FABP12: variants seen among roughly 807,000 people sequenced by gnomAD.
FABP12 encodes fatty acid-binding protein 12.
FABP12 carries 19 observed loss-of-function variants against 13.7 expected under a neutral mutation model. That is an observed-to-expected ratio of 1.39 (90% CI 0.97 to 2.04). The LOEUF (loss-of-function observed/expected upper bound fraction) is 2.04. FABP12 is among the 30% of genes most tolerant of loss of function. FABP12 has a pLI of 0.00. For synonymous variants in FABP12, 61 were observed against 57.0 expected, an observed-to-expected ratio of 1.07 and a Z score of -0.32; for missense variants, 182 against 164.2, an observed-to-expected ratio of 1.11 and a Z score of -0.59.
intron 1 of FABP12, among the ~76,000 whole-genome samples, chr8:81,576,498 A>AAC (rs1013311428): frequency 6.6e-6 from 1 of 151,658 alleles, no homozygotes; most frequent in African/African-American, 2.4e-5. Context: ...ATATAACACA[A>AAC]ACACACACAC....
chr8:81,588,648 C>G (rs1245819999), intron 1 of FABP12, among the ~76,000 whole-genome samples: 2 of 152,156 alleles, frequency 1.3e-5, no homozygotes, highest in Non-Finnish European at 2.9e-5. Context: ...ATTACTTTCT[C>G]TTGCCTAATT....
intron 1 of FABP12, among the ~76,000 whole-genome samples, chr8:81,570,880 A>G (rs1167714998): frequency 2.6e-5 from 4 of 152,070 alleles, no homozygotes; most frequent in Non-Finnish European, 5.9e-5. Context: ...GGTCCGCAGG[A>G]CTGGAAGCCC....
chr8:81,533,905 C>G (rs188506022), exon 1 of FABP12, among the ~76,000 whole-genome samples: 1 of 152,134 alleles, frequency 6.6e-6, no homozygotes, highest in African/African-American at 2.4e-5. Context: ...GTGGGTCTGA[C>G]GGAACCTGGC....
At chr8:81,547,936 C>A (rs751704887) in intron 1 of FABP12, among the ~76,000 whole-genome samples, 1 of 152,172 alleles carries the variant, frequency 6.6e-6, no homozygotes, top group Non-Finnish European at 1.5e-5. Flanking sequence ...AGGACTTTTA[C>A]AGAATTCATA....
upstream of FABP12, among the ~76,000 whole-genome samples, chr8:81,538,185 G>A (rs944041668): frequency 2.6e-5 from 4 of 152,006 alleles, no homozygotes; most frequent in South Asian, 4.2e-4. Flanking sequence ...TCATTATTAC[G>A]AGGGCAGCAC....
At chr8:81,545,077 A>G (rs1037958829) in intron 1 of FABP12, among the ~76,000 whole-genome samples, 1 of 152,060 alleles carries the variant, frequency 6.6e-6, no homozygotes, top group Non-Finnish European at 1.5e-5. Flanking sequence ...CTGGAGTGCA[A>G]TGGTGCAGTC....
At chr8:81,569,826 G>A (rs1809891377) in intron 1 of FABP12, among the ~76,000 whole-genome samples, 1 of 152,156 alleles carries the variant, frequency 6.6e-6, no homozygotes, top group Admixed American at 6.5e-5. Context: ...CGGGATCTTT[G>A]GGGTGTTGCT....
At chr8:81,587,936 G>T (rs1342861159) in intron 1 of FABP12, among the ~76,000 whole-genome samples, 1 of 152,208 alleles carries the variant, frequency 6.6e-6, no homozygotes, top group African/African-American at 2.4e-5. Context: ...TTCAGTCAGT[G>T]GTCAAAGGTC....
At chr8:81,573,970 C>T (rs996025927) in intron 1 of FABP12, among the ~76,000 whole-genome samples, 2 of 152,122 alleles carry the variant, frequency 1.3e-5, no homozygotes, top group Non-Finnish European at 2.9e-5. Context: ...ATTGCTCTGG[C>T]TAGGACTTCC....
upstream of FABP12, among the ~76,000 whole-genome samples, chr8:81,536,697 C>G (rs148512158): frequency 5.9e-4 from 90 of 152,302 alleles, 1 homozygote; most frequent in Middle Eastern, 3.4e-3. Context: ...TTCATGTTTC[C>G]CTGTGGGTAT....
chr8:81,567,749 G>A (rs1361323011), intron 1 of FABP12, among the ~76,000 whole-genome samples: 2 of 152,214 alleles, frequency 1.3e-5, no homozygotes, highest in East Asian at 3.8e-4. Context: ...ACTGGACTGA[G>A]CAAAGATCTC....
At chr8:81,534,750 C>T (rs1313568876), upstream of FABP12, among the ~76,000 whole-genome samples, 1 of 152,052 alleles carries the variant, frequency 6.6e-6, no homozygotes, top group African/African-American at 2.4e-5. Context: ...TGAGACCATC[C>T]TAGCCAACAT....
At chr8:81,575,923 C>T (rs1033917906) in intron 1 of FABP12, among the ~76,000 whole-genome samples, 6 of 152,078 alleles carry the variant, frequency 3.9e-5, no homozygotes, top group African/African-American at 1.4e-4. Context: ...TCCCCAAACC[C>T]CTGTGTATGG....
chr8:81,529,542 C>T (rs1809005748), exon 3 of FABP12: 1 of 1,613,874 alleles, frequency 6.2e-7, no homozygotes, highest in African/African-American at 1.3e-5. Context: ...GTGATGACAT[C>T]TCCATCTGTA....
chr8:81,536,327 A>G (rs1809221025), upstream of FABP12, among the ~76,000 whole-genome samples: 1 of 152,218 alleles, frequency 6.6e-6, no homozygotes, highest in African/African-American at 2.4e-5. Context: ...AAGTATTGTG[A>G]CTATATTTAT....
At chr8:81,526,309 AT>A (rs1247840633) in intron 4 of FABP12, 1 of 152,194 alleles carries the variant, frequency 6.6e-6, no homozygotes, top group Non-Finnish European at 1.5e-5. Context: ...ATGAACACAC[AT>A]TCTTCTACTC....
At chr8:81,526,925 GA>G (rs1429425182) in intron 4 of FABP12, 94 bp downstream of exon 4, 22 of 695,272 alleles carry the variant, frequency 3.2e-5, no homozygotes, top group African/African-American at 2.2e-4. Flanking sequence ...TGAGAACAAG[GA>G]AAATGGCATT....
intron 3 of FABP12, among the ~76,000 whole-genome samples, chr8:81,527,425 C>T (rs556608409): frequency 2.0e-5 from 3 of 151,936 alleles, no homozygotes; most frequent in Non-Finnish European, 2.9e-5. Flanking sequence ...TGCAATGGTG[C>T]GATCTTGGCT....
intron 3 of FABP12, among the ~76,000 whole-genome samples, chr8:81,527,889 G>T (rs1434006003): frequency 6.6e-6 from 1 of 152,020 alleles, no homozygotes; most frequent in African/African-American, 2.4e-5. Flanking sequence ...AGCCTGGGTG[G>T]TTGAGGCTAC....
Sources: allele counts gnomAD v4.1 joint callset (sites outside exome capture counted in the v4.1 genomes callset), GRCh38; gene constraint gnomAD v4.1.1; transcripts MANE v1.5; gene names NCBI Gene and HGNC (gene_info 2026-07-23, HGNC 2026-07-21).